TYK2: variants seen among roughly 807,000 people sequenced by gnomAD.
TYK2 encodes non-receptor tyrosine-protein kinase TYK2.
TYK2 carries 65 observed loss-of-function variants against 130.9 expected under a neutral mutation model. The ratio of observed to expected loss-of-function variants is 0.50; its 90% CI spans 0.41 to 0.61. The LOEUF (loss-of-function observed/expected upper bound fraction) is 0.61. Among genes scored for constraint, TYK2 ranks in the 20% least tolerant of loss-of-function variants. The probability of loss-of-function intolerance (pLI) is 0.00; values close to 1 mark genes in which losing one functional copy is unlikely to be tolerated. For missense variants in TYK2, 1,378 were observed against 1,610.7 expected (o/e 0.86, Z 2.47); for synonymous variants, 647 against 658.9 (o/e 0.98, Z 0.28).
At chr19:10,367,950 G>A in intron 5 of TYK2, 105 bp downstream of exon 5, 2 of 1,261,098 alleles carry the variant, frequency 1.6e-6, no homozygotes, top group Non-Finnish European at 1.1e-6. Flanking sequence ...CAGATAGCAT[G>A]AGTTGAAACC....
At chr19:10,368,477 G>T in intron 3 of TYK2, 59 bp from the exon 4 acceptor site, 2 of 1,610,818 alleles carry the variant, frequency 1.2e-6, no homozygotes, top group Non-Finnish European at 1.7e-6. Context: ...CAGCCCCAAA[G>T]ACCCCCCAGA....
At chr19:10,355,035 A>T (rs1201040161) in intron 18 of TYK2, among the ~76,000 whole-genome samples, 2 of 151,342 alleles carry the variant, frequency 1.3e-5, no homozygotes, top group African/African-American at 4.9e-5. Flanking sequence ...GTCTTTAAAA[A>T]AAAAAAAAAG....
chr19:10,375,132 G>A (rs2042067479), intron 3 of TYK2, among the ~76,000 whole-genome samples: 1 of 151,270 alleles, frequency 6.6e-6, no homozygotes. Context: ...TTGCACCACT[G>A]CATTTCAGCC....
At position 10,378,283 on chromosome 19, in the gene TYK2, G is replaced by T. The variant is rs147251502; in HGVS notation, c.124C>A (p.Pro42Thr). ...GATGACTCACTGAAAGTGACCCAGGGCTCCCCGCCGCCTGGACCAGCCCAG... is the reference window on the plus strand; with the variant it reads ...GATGACTCACTGAAAGTGACCCAGGTCTCCCCGCCGCCTGGACCAGCCCAG... ...LHWAGPGGGE[P>T]WVTFSESSLT... Residue 42 changes from proline to threonine, a missense_variant, in exon 3 of 25, where the codon CCC becomes ACC. By Grantham distance (38) the Pro-to-Thr change is conservative. Coordinates refer to ENST00000525621, the MANE Select transcript of TYK2 (RefSeq NM_003331.5). 715 of 1,612,782 alleles carry T rather than the reference G, an allele frequency of 4.4e-4. No homozygotes were observed. Among genetic ancestry groups the T allele is most frequent in the Non-Finnish European group, 5.5e-4 (646 of 1,179,992 alleles).
intron 14 of TYK2, among the ~76,000 whole-genome samples, chr19:10,360,483 G>A (rs1323142643): frequency 6.6e-6 from 1 of 152,062 alleles, no homozygotes; most frequent in East Asian, 1.9e-4. Flanking sequence ...GGCAACAGAG[G>A]GAGACCCTAG....
intron 14 of TYK2, among the ~76,000 whole-genome samples, chr19:10,360,784 G>C (rs543806786): frequency 1.1e-4 from 16 of 151,846 alleles, no homozygotes; most frequent in African/African-American, 3.6e-4. Flanking sequence ...ACAGAGTCTC[G>C]CCCTGTCGCC....
chr19:10,354,181 A>G lies in TYK2; in HGVS notation c.2769T>C (p.Thr923=). 1 of 1,613,882 alleles carries G rather than the reference A, an allele frequency of 6.2e-7. No homozygotes were observed. ...LYCYDPTNDG[T]GEMVAVKALK... ...GGGCTTTCACCGCCACCATCTCGCC[A>G]GTGCCGTCGTTGGTCGGATCGTAGC... is the stretch of plus-strand genomic sequence containing the variant. Residue 923 remains threonine (T), a synonymous_variant, in exon 20 of 25, where the codon ACT becomes ACC. Transcript: ENST00000525621.
Position 10,353,967 on chromosome 19 carries a change from G to T in TYK2, c.2908+75C>A. On this transcript the variant is annotated intron_variant, in intron 20 of 24. Transcript: ENST00000525621. The surrounding 1 kb of genome is among the most constrained non-coding windows in gnomAD (Gnocchi z 6.9). Reference sequence around the variant, plus strand: ...GTCTCTAATTGGCTAGGCCAGACTGGCCCCGCCCACAAGGCCACACCCACG... The same window carrying T: ...GTCTCTAATTGGCTAGGCCAGACTGTCCCCGCCCACAAGGCCACACCCACG... The T allele has an allele frequency of 6.7e-7, 1 of 1,492,026 alleles. No homozygotes were observed. The highest frequency in any genetic ancestry group is 9.3e-7 in the Non-Finnish European group (1 of 1,076,768). 92.4% of individuals were successfully genotyped at this position (1,492,026 alleles called of 1,614,324 possible).
chr19:10,366,323 A>T, intron 6 of TYK2, 94 bp downstream of exon 6: 1 of 1,331,768 alleles, frequency 7.5e-7, no homozygotes, highest in Non-Finnish European at 1.0e-6. Context: ...AAAAAAAAGT[A>T]GAGGCACGGC....
chr19:10,354,471 C>T (rs764013489), intron 19 of TYK2, 41 bp downstream of exon 19: 2 of 1,583,824 alleles, frequency 1.3e-6, no homozygotes, highest in South Asian at 1.1e-5. Flanking sequence ...AACTCCTTCC[C>T]GACCAGGCGG....
intron 7 of TYK2, 59 bp downstream of exon 7, chr19:10,365,458 C>A: frequency 6.2e-7 from 1 of 1,606,886 alleles, no homozygotes; most frequent in Non-Finnish European, 8.5e-7. Context: ...CAAGGATGAA[C>A]ACAGAAACCC....
intron 6 of TYK2, 42 bp downstream of exon 6, chr19:10,366,375 T>C (rs777321399): frequency 1.3e-6 from 2 of 1,592,954 alleles, no homozygotes; most frequent in Non-Finnish European, 1.7e-6. Context: ...CTCAGGACAT[T>C]TCCCCCTGCC....
intron 15 of TYK2, 114 bp from the exon 16 acceptor site, chr19:10,358,252 G>C: frequency 9.3e-7 from 1 of 1,070,262 alleles, no homozygotes; most frequent in Non-Finnish European, 1.3e-6. Flanking sequence ...ACTATCACTG[G>C]GTTTCTTTCT....
At chr19:10,376,017 T>C (rs1261175102) in intron 3 of TYK2, among the ~76,000 whole-genome samples, 3 of 150,200 alleles carry the variant, frequency 2.0e-5, no homozygotes. Flanking sequence ...CTTTTTTTTT[T>C]TTTTTTTTCT....
chr19:10,373,050 T>C (rs548281698), intron 3 of TYK2, among the ~76,000 whole-genome samples: 1 of 151,470 alleles, frequency 6.6e-6, no homozygotes, highest in East Asian at 1.9e-4. Context: ...TTTTTTTTTT[T>C]TTTGGATAGA....
At chr19:10,360,995 T>A (rs1271276988) in intron 14 of TYK2, 1 of 359,642 alleles carries the variant, frequency 2.8e-6, no homozygotes, top group Non-Finnish European at 5.6e-6. Flanking sequence ...GTTTAAGCGA[T>A]CCTCCCACCT....
At position 10,362,086 on chromosome 19, in the gene TYK2, TCTC is replaced by T; in HGVS notation, c.1762_1764del (p.Glu588del). Reference sequence around the variant, plus strand: ...CCCTTCCCTGCACCCACCTGGGTGATCTCCTTCTGGTCAACCCGGTGGAAGCTG... The same window carrying T: ...CCCTTCCCTGCACCCACCTGGGTGATCTTCTGGTCAACCCGGTGGAAGCTG... On this transcript the variant is annotated inframe_deletion, in exon 12 of 25. Coordinates refer to ENST00000525621, the MANE Select transcript of TYK2 (RefSeq NM_003331.5). 6.2e-7 allele frequency: 1 copy of T among 1,613,986 alleles called. No individual in the cohort carries two copies. Among genetic ancestry groups the T allele is most frequent in the Non-Finnish European group, 8.5e-7 (1 of 1,179,972 alleles).
rs764799630 is a variant in TYK2 at position 10,364,035 on chromosome 19, C to T, written c.1367+579G>A. On this transcript the variant is annotated intron_variant, in intron 9 of 24. Coordinates refer to ENST00000525621, the MANE Select transcript of TYK2 (RefSeq NM_003331.5). The surrounding 1 kb of genome is among the most constrained non-coding windows in gnomAD (Gnocchi z 4.9). ...GATGACATAAGTACCGACAACTTCACGCCCTCAGGCCCACAAGTCACACAC... is the reference window on the plus strand; with the variant it reads ...GATGACATAAGTACCGACAACTTCATGCCCTCAGGCCCACAAGTCACACAC... Among the ~76,000 whole-genome samples, 17 of 152,218 alleles carry T rather than the reference C, an allele frequency of 1.1e-4. No individual in the cohort carries two copies. Among genetic ancestry groups the T allele is most frequent in the African/African-American group, 3.6e-4 (15 of 41,470 alleles).
intron 7 of TYK2, 125 bp from the exon 8 acceptor site, chr19:10,365,173 T>A (rs573805399): frequency 4.0e-4 from 446 of 1,127,264 alleles, no homozygotes; most frequent in Middle Eastern, 3.6e-3. Flanking sequence ...ACCTCCCAAG[T>A]CCCAGTGTCA....
Sources: allele counts gnomAD v4.1 joint callset (sites outside exome capture counted in the v4.1 genomes callset), GRCh38; gene constraint gnomAD v4.1.1; non-coding constraint Gnocchi (gnomAD v3.1); transcripts MANE v1.5; gene names NCBI Gene and HGNC (gene_info 2026-07-23, HGNC 2026-07-21).